The following RETREG1 variants were observed in gnomAD, a reference collection of about 807,000 sequenced individuals.
RETREG1 encodes the protein family with sequence similarity 134 member B.
In RETREG1, 44 loss-of-function variants were observed where a neutral mutation model predicts 54.8. That is an observed-to-expected ratio of 0.80 (90% confidence interval 0.63 to 1.03). The LOEUF (loss-of-function observed/expected upper bound fraction) is 1.03, where lower values mean the gene tolerates loss of function less well. Ranked by LOEUF, RETREG1 falls within the 50% of genes least tolerant of loss-of-function variation. The pLI is 0.00. For missense variants in RETREG1, 554 were observed against 605.1 expected, an observed-to-expected ratio of 0.92 and a Z score of 0.89; for synonymous variants, 217 against 238.5, an observed-to-expected ratio of 0.91 and a Z score of 0.83.
chr5:16,614,768 G>T (rs577685229), intron 1 of RETREG1, among the ~76,000 whole-genome samples: 11 of 152,374 alleles, frequency 7.2e-5, no homozygotes, highest in Non-Finnish European at 1.3e-4. Context: ...TACTGCCTCA[G>T]TAGGAGACAG....
intron 3 of RETREG1, among the ~76,000 whole-genome samples, chr5:16,491,000 A>G (rs1484357187): frequency 6.6e-6 from 1 of 152,212 alleles, no homozygotes; most frequent in Admixed American, 6.5e-5. Context: ...TAGTACCCAC[A>G]AAGTGATTCC....
intron 5 of RETREG1, 131 bp from the exon 6 acceptor site, chr5:16,479,118 A>G: frequency 2.5e-6 from 2 of 809,990 alleles, no homozygotes; most frequent in Non-Finnish European, 4.0e-6. Flanking sequence ...GCCATTGTGA[A>G]ATAAGTTTAT....
chr5:16,523,394 TGAG>T (rs1740598219), intron 3 of RETREG1, among the ~76,000 whole-genome samples: 2 of 152,136 alleles, frequency 1.3e-5, no homozygotes, highest in Non-Finnish European at 2.9e-5. Context: ...TTGACAGATC[TGAG>T]GAGTGTTTTG....
intron 3 of RETREG1, among the ~76,000 whole-genome samples, chr5:16,541,428 G>A (rs1001167179): frequency 3.9e-5 from 6 of 152,178 alleles, no homozygotes; most frequent in Non-Finnish European, 2.9e-5. Context: ...GGTGGCTCAC[G>A]CCTGTAATCT....
At chr5:16,591,703 G>A (rs754687644) in intron 1 of RETREG1, among the ~76,000 whole-genome samples, 1 of 152,186 alleles carries the variant, frequency 6.6e-6, no homozygotes, top group Non-Finnish European at 1.5e-5. Context: ...AAACAAGGGG[G>A]ACGAAGCCCT....
At chr5:16,528,557 G>C (rs1740803252) in intron 3 of RETREG1, among the ~76,000 whole-genome samples, 1 of 152,276 alleles carries the variant, frequency 6.6e-6, no homozygotes, top group South Asian at 2.1e-4. Flanking sequence ...AAGGAGGAGT[G>C]AGACCTGTCC....
chr5:16,583,758 A>AT (rs1164949068), intron 1 of RETREG1, among the ~76,000 whole-genome samples: 1 of 152,130 alleles, frequency 6.6e-6, no homozygotes, highest in Non-Finnish European at 1.5e-5. Context: ...AGCACAACCC[A>AT]TTTTGTACTA....
At chr5:16,543,375 T>TA (rs1156428375) in intron 3 of RETREG1, among the ~76,000 whole-genome samples, 2 of 152,138 alleles carry the variant, frequency 1.3e-5, no homozygotes, top group African/African-American at 4.8e-5. Flanking sequence ...TTTATCTTTT[T>TA]AAAAAAACTG....
chr5:16,616,938 C>T lies in RETREG1; in HGVS notation c.34G>A (p.Glu12Lys). ...TCGGCGGCAGGAGCCGGGCATCCCT[C>T]CTCGGCGTGCTCCGGAGGCGCCGGG... Reference protein sequence around the residue: ...ASPAPPEHAEEGCPAPAAEEQ... With the variant: ...ASPAPPEHAEKGCPAPAAEEQ... Residue 12 changes from glutamate to lysine, a missense_variant, in exon 1 of 9, where the codon GAG (glutamate) becomes AAG (lysine). By Grantham distance (56) the Glu-to-Lys change is moderately conservative. Around this residue, in one of 4 missense-constraint regions of RETREG1, gnomAD observed 175 missense variants for 142.1 expected, o/e 1.23. Coordinates refer to ENST00000306320, the MANE Select transcript of RETREG1 (RefSeq NM_001034850.3). 6.8e-7 allele frequency: 1 copy of T among 1,463,358 alleles called. No individual in the cohort carries two copies. Among genetic ancestry groups the T allele is most frequent in the South Asian group, 1.3e-5 (1 of 76,096 alleles). The allele number at this position is 1,463,358 out of a possible 1,614,324, so 90.6% of individuals were successfully genotyped here.
chr5:16,569,287 C>CT (rs59365372), intron 2 of RETREG1, among the ~76,000 whole-genome samples: 5,407 of 140,768 alleles, frequency 0.038, 295 homozygotes, highest in African/African-American at 0.13. Context: ...CCATTTCTTT[C>CT]TTTTTTTTTT....
At chr5:16,490,824 A>G (rs1739214157) in intron 3 of RETREG1, among the ~76,000 whole-genome samples, 1 of 152,240 alleles carries the variant, frequency 6.6e-6, no homozygotes, top group Admixed American at 6.5e-5. Context: ...GTAGGGAAGC[A>G]CATTAGGGCA....
chr5:16,588,718 T>C (rs1050745020), intron 1 of RETREG1, among the ~76,000 whole-genome samples: 1 of 152,216 alleles, frequency 6.6e-6, no homozygotes, highest in African/African-American at 2.4e-5. Context: ...CTATGCAGAT[T>C]AGAGCCAACA....
rs1345688625 is a variant in RETREG1 at position 16,473,502 on chromosome 5, A to T, written c.*1239T>A. On this transcript the variant is annotated 3_prime_UTR_variant, in exon 9 of 9. Coordinates refer to ENST00000306320, the MANE Select transcript of RETREG1 (RefSeq NM_001034850.3). ...CTTTCTGAGGGTCTCAGATGTCTCT[A>T]TGCATCTGCCAAAATGCCAGCTGTA... 1 of 152,584 alleles carries T rather than the reference A, an allele frequency of 6.6e-6. No homozygotes were observed. Among genetic ancestry groups the T allele is most frequent in the Non-Finnish European group, 1.5e-5 (1 of 67,996 alleles). The allele number at this position is 152,584 out of a possible 1,614,324, so 9.5% of individuals were successfully genotyped here. A position where few individuals can be genotyped will look rare whatever the true frequency, so the allele number is the denominator to read the frequency against.
intron 3 of RETREG1, among the ~76,000 whole-genome samples, chr5:16,526,074 T>C (rs913819671): frequency 6.6e-6 from 1 of 152,264 alleles, no homozygotes; most frequent in African/African-American, 2.4e-5. Flanking sequence ...GCATCTACAC[T>C]GGTGTGTGAC....
intron 3 of RETREG1, among the ~76,000 whole-genome samples, chr5:16,503,675 A>G (rs1037058963): frequency 5.6e-5 from 8 of 144,014 alleles, no homozygotes; most frequent in South Asian, 2.1e-4. Context: ...AAAAAAAAAA[A>G]AAAGAAAGAA....
At chr5:16,484,108 T>G (rs536973263) in intron 3 of RETREG1, among the ~76,000 whole-genome samples, 68 of 152,252 alleles carry the variant, frequency 4.5e-4, no homozygotes, top group African/African-American at 1.6e-3. Context: ...TCTTACAATA[T>G]CCTCTATTTT....
chr5:16,569,487 A>G (rs1043183258), intron 2 of RETREG1, among the ~76,000 whole-genome samples: 1 of 152,066 alleles, frequency 6.6e-6, no homozygotes, highest in African/African-American at 2.4e-5. Flanking sequence ...AAGGGGCTCA[A>G]CACGGACTGA....
rs1742852195 is a variant in RETREG1, at chr5:16,594,679, T to C, written c.320+21973A>G. 6.6e-6 allele frequency among the ~76,000 whole-genome samples: 1 copy of C among 152,004 alleles called. No homozygotes were observed. The highest frequency in any genetic ancestry group is 1.9e-4 in the East Asian group (1 of 5,182). The stretch of plus-strand genomic sequence containing the variant: ...GGCGGAGACTGCAGTAAGCCAAGAT[T>C]GCACCACTGCACTCCAGCCTGGGCA... On this transcript the variant is annotated intron_variant, in intron 1 of 8. Coordinates refer to ENST00000306320, the MANE Select transcript of RETREG1 (RefSeq NM_001034850.3). The surrounding 1 kb of genome is among the most constrained non-coding windows in gnomAD (Gnocchi z 4.4).
intron 3 of RETREG1, among the ~76,000 whole-genome samples, 194 bp downstream of exon 3, chr5:16,565,569 C>T (rs1216726430): frequency 6.6e-6 from 1 of 152,152 alleles, no homozygotes; most frequent in Non-Finnish European, 1.5e-5. Flanking sequence ...ATACACAGCA[C>T]TTCCTAGAAT....
Sources: gnomAD v4.1 joint callset for allele counts (sites outside exome capture counted in the v4.1 genomes callset) on GRCh38, gnomAD v4.1.1 for gene constraint, gnomAD v4.1.1 regional missense constraint, Gnocchi (gnomAD v3.1) non-coding constraint, MANE v1.5 for transcripts, NCBI Gene and HGNC (gene_info 2026-07-23, HGNC 2026-07-21) for gene names.